The following CDC73 variants were observed in gnomAD, a reference collection of about 807,000 sequenced individuals.
CDC73 encodes the protein cell division cycle 73.
CDC73 carries 21 observed loss-of-function variants against 83.7 expected under a neutral mutation model. That is an observed-to-expected ratio of 0.25 (90% CI 0.18 to 0.36). The LOEUF is 0.36. CDC73 is among the 10% of genes least tolerant of loss of function. CDC73 has a pLI of 1.00. For synonymous variants in CDC73, 224 were observed against 212.9 expected, an observed-to-expected ratio of 1.05 and a Z score of -0.45; for missense variants, 342 against 653.3, an observed-to-expected ratio of 0.52 and a Z score of 5.19.
chr1:193,148,516 A>G (rs1676048277), intron 8 of CDC73, among the ~76,000 whole-genome samples: 2 of 152,090 alleles, frequency 1.3e-5, no homozygotes, highest in Admixed American at 6.5e-5. Flanking sequence ...AACATCCTCT[A>G]ATTTTGTTGA....
At position 193,250,771 on chromosome 1, in the gene CDC73, A is replaced by G; in HGVS notation, c.*59A>G. ...CTCAAGCTTTATGAATTTATCAAGA[A>G]CTTAAAAATGAAGAAGGTCACAGAT... On this transcript the variant is annotated 3_prime_UTR_variant, in exon 17 of 17. Coordinates refer to ENST00000367435, the MANE Select transcript of CDC73 (RefSeq NM_024529.5). 7.1e-7 allele frequency: 1 copy of G among 1,418,180 alleles called. No homozygotes were observed. Among genetic ancestry groups the G allele is most frequent in the Non-Finnish European group, 1.0e-6 (1 of 1,003,072 alleles). 87.8% of individuals were successfully genotyped at this position (1,418,180 alleles called of 1,614,324 possible). A position where few individuals can be genotyped will look rare whatever the true frequency, so the allele number is the denominator to read the frequency against.
chr1:193,245,361 A>G (rs1222882276), intron 15 of CDC73, among the ~76,000 whole-genome samples: 1 of 152,108 alleles, frequency 6.6e-6, no homozygotes, highest in African/African-American at 2.4e-5. Flanking sequence ...TACATATGAG[A>G]GAGAACTTGT....
chr1:193,185,421 G>A (rs1676789090), intron 10 of CDC73, among the ~76,000 whole-genome samples: 1 of 151,762 alleles, frequency 6.6e-6, no homozygotes, highest in Non-Finnish European at 1.5e-5. Context: ...TTTCCTTTTA[G>A]TATCTTCTTG....
Position 193,251,462 on chromosome 1 carries a change from G to A in CDC73, c.*750G>A. 1 of 232,008 alleles carries A rather than the reference G, an allele frequency of 4.3e-6. No homozygotes were observed. The highest frequency in any genetic ancestry group is 8.5e-6 in the Non-Finnish European group (1 of 116,966). 14.4% of individuals were successfully genotyped at this position (232,008 alleles called of 1,614,324 possible). A position where few individuals can be genotyped will look rare whatever the true frequency, so the allele number is the denominator to read the frequency against. On this transcript the variant is annotated 3_prime_UTR_variant, in exon 17 of 17. Transcript: ENST00000367435. ...AGTATTTTTTATTTTGGGAGCCAGA[G>A]TATGATTTGGGGGAAGAATATGTAT...
At chr1:193,170,133 T>G (rs771606896) in intron 10 of CDC73, among the ~76,000 whole-genome samples, 2 of 152,206 alleles carry the variant, frequency 1.3e-5, no homozygotes, top group Non-Finnish European at 2.9e-5. Context: ...GATCTCATTC[T>G]TTTTTATCAC....
intron 11 of CDC73, among the ~76,000 whole-genome samples, chr1:193,208,643 C>A (rs1035045165): frequency 1.3e-5 from 2 of 152,126 alleles, no homozygotes; most frequent in African/African-American, 4.8e-5. Flanking sequence ...TTTTCACTTT[C>A]TGGCTTAATA....
At chr1:193,150,478 A>G in intron 9 of CDC73, 96 bp downstream of exon 9, 1 of 857,288 alleles carries the variant, frequency 1.2e-6, no homozygotes, top group Non-Finnish European at 2.0e-6. Flanking sequence ...TGGCAAAGTA[A>G]TGTCTACAGA....
Position 193,203,847 on chromosome 1 carries a change from G to A in CDC73, c.1025G>A (p.Arg342Lys), listed in dbSNP as rs533252090. Residue 342 changes from arginine (R) to lysine (K), a missense_variant, in exon 11 of 17, where the codon AGA becomes AAA. Physicochemically the swap from Arg to Lys is conservative, Grantham distance 26 (BLOSUM62 2). Transcript: ENST00000367435. ...TQTPAAQPVPRPVSQARPPPN... is the reference protein window; with the variant it reads ...TQTPAAQPVPKPVSQARPPPN... ...ACTCCTGCAGCCCAGCCAGTACCAA[G>A]ACCAGGTAGAAATATAGAACTTTGC... 1 of 1,613,546 alleles carries A rather than the reference G, an allele frequency of 6.2e-7. No individual in the cohort carries two copies. The highest frequency in any genetic ancestry group is 1.7e-5 in the Admixed American group (1 of 60,014).
intron 11 of CDC73, among the ~76,000 whole-genome samples, chr1:193,204,328 C>T (rs186055232): frequency 1.0e-3 from 149 of 146,858 alleles, no homozygotes; most frequent in Non-Finnish European, 1.3e-3. Context: ...CTTGCTCTGT[C>T]ACCCAGGCTG....
intron 3 of CDC73, among the ~76,000 whole-genome samples, chr1:193,134,147 CTA>C (rs956915316): frequency 6.6e-6 from 1 of 151,902 alleles, no homozygotes; most frequent in Non-Finnish European, 1.5e-5. Flanking sequence ...TTGTGAATAA[CTA>C]AAAATTACAT....
At chr1:193,178,154 GTAAAT>G (rs1676644548) in intron 10 of CDC73, among the ~76,000 whole-genome samples, 1 of 152,086 alleles carries the variant, frequency 6.6e-6, no homozygotes, top group African/African-American at 2.4e-5. Context: ...AAAGTCAAAA[GTAAAT>G]TAATAGAATA....
intron 15 of CDC73, among the ~76,000 whole-genome samples, chr1:193,245,074 A>G (rs1397493277): frequency 6.6e-6 from 1 of 152,240 alleles, no homozygotes; most frequent in African/African-American, 2.4e-5. Context: ...TTTGATACAT[A>G]CAATGTATAG....
chr1:193,176,051 A>G (rs1222716255), intron 10 of CDC73, among the ~76,000 whole-genome samples: 1 of 152,204 alleles, frequency 6.6e-6, no homozygotes, highest in African/African-American at 2.4e-5. Context: ...TGATAAGGGA[A>G]TAAAATTTTA....
intron 10 of CDC73, chr1:193,180,298 T>C (rs1676690705): frequency 1.3e-6 from 2 of 1,556,116 alleles, no homozygotes; most frequent in Admixed American, 2.1e-5. Context: ...TCTTTTCTAA[T>C]GTAGTTTACG....
At chr1:193,190,378 T>C (rs1676898805) in intron 10 of CDC73, among the ~76,000 whole-genome samples, 1 of 152,218 alleles carries the variant, frequency 6.6e-6, no homozygotes, top group African/African-American at 2.4e-5. Flanking sequence ...TTTTTGGTTA[T>C]TTAATATTAG....
At chr1:193,222,818 G>T (rs921574904) in intron 13 of CDC73, among the ~76,000 whole-genome samples, 17 of 68,976 alleles carry the variant, frequency 2.5e-4, no homozygotes, top group South Asian at 4.9e-4. Flanking sequence ...ACCTCTTTTT[G>T]GAACTTAAAT....
At chr1:193,224,134 T>G (rs148743644) in intron 13 of CDC73, among the ~76,000 whole-genome samples, 2 of 152,150 alleles carry the variant, frequency 1.3e-5, no homozygotes, top group Middle Eastern at 3.4e-3. Context: ...TTAATCAACT[T>G]CTATCTCCTC....
intron 10 of CDC73, among the ~76,000 whole-genome samples, chr1:193,183,022 TGA>T (rs752687787): frequency 3.3e-5 from 5 of 152,022 alleles, no homozygotes; most frequent in East Asian, 1.9e-4. Context: ...CCTGTGATAA[TGA>T]GAGAGTCATG....
chr1:193,230,601 C>G (rs1007539431), intron 13 of CDC73, among the ~76,000 whole-genome samples: 1 of 151,626 alleles, frequency 6.6e-6, no homozygotes, highest in East Asian at 1.9e-4. Context: ...CCCAGCAGTG[C>G]AGCCCAAGCC....
Sources: gnomAD v4.1 joint callset for allele counts (sites outside exome capture counted in the v4.1 genomes callset) on GRCh38, gnomAD v4.1.1 for gene constraint, MANE v1.5 for transcripts, NCBI Gene and HGNC (gene_info 2026-07-23, HGNC 2026-07-21) for gene names.